The following SLC7A8 variants were observed in gnomAD, a reference collection of about 807,000 sequenced individuals.
SLC7A8 encodes the protein large neutral amino acids transporter small subunit 2.
SLC7A8 carries 30 observed loss-of-function variants against 51.2 expected under a neutral mutation model. The ratio of observed to expected loss-of-function variants is 0.59; its 90% CI spans 0.44 to 0.80. The LOEUF (loss-of-function observed/expected upper bound fraction) is 0.80, where lower values mean the gene tolerates loss of function less well. SLC7A8 is among the 30% of genes least tolerant of loss of function. The pLI is 0.00. For missense variants in SLC7A8, 612 were observed against 674.4 expected, an observed-to-expected ratio of 0.91 and a Z score of 1.03; for synonymous variants, 257 against 275.8, an observed-to-expected ratio of 0.93 and a Z score of 0.67.
chr14:23,173,906 G>A (rs1490194414), intron 1 of SLC7A8, among the ~76,000 whole-genome samples: 1 of 152,216 alleles, frequency 6.6e-6, no homozygotes, highest in Non-Finnish European at 1.5e-5. Context: ...CTCCCAAAGT[G>A]CTGGAATTAC....
At chr14:23,138,920 C>T (rs537032361) in intron 6 of SLC7A8, among the ~76,000 whole-genome samples, 7 of 152,314 alleles carry the variant, frequency 4.6e-5, no homozygotes, top group African/African-American at 7.2e-5. Context: ...AGGTGCCTCC[C>T]AGGTCCTTCT....
chr14:23,145,892 T>A (rs1003348721), intron 3 of SLC7A8, among the ~76,000 whole-genome samples: 1 of 152,196 alleles, frequency 6.6e-6, no homozygotes, highest in African/African-American at 2.4e-5. Flanking sequence ...AAGCAAAACA[T>A]GTTGTCAGAG....
intron 7 of SLC7A8, among the ~76,000 whole-genome samples, chr14:23,133,106 A>C (rs79263189): frequency 1.5e-4 from 23 of 152,290 alleles, no homozygotes; most frequent in African/African-American, 5.3e-4. Flanking sequence ...AATTGTACTT[A>C]AAAATTTATA....
In SLC7A8 at chr14:23,127,567, C is replaced by T. The variant is rs565009969; in HGVS notation, c.1442-224G>A. On this transcript the variant is annotated intron_variant, in intron 10 of 10. Coordinates refer to ENST00000316902, the MANE Select transcript of SLC7A8 (RefSeq NM_012244.4). Reference sequence around the variant, plus strand: ...TTCCCACCTTCCCTGTGCCCACTGACCCCTAAGTCCAGGGTCTCCTCTGGT... The same window carrying T: ...TTCCCACCTTCCCTGTGCCCACTGATCCCTAAGTCCAGGGTCTCCTCTGGT... Among the ~76,000 whole-genome samples, 3 of 152,352 alleles carry T rather than the reference C, an allele frequency of 2.0e-5. No homozygotes were observed. In the South Asian group the frequency reaches 6.2e-4, roughly 32 times the overall value.
At chr14:23,180,147 C>A (rs190760668) in intron 1 of SLC7A8, among the ~76,000 whole-genome samples, 110 of 152,218 alleles carry the variant, frequency 7.2e-4, no homozygotes, top group Non-Finnish European at 1.4e-3. Context: ...ACCTCGTGAT[C>A]CGCCCGCCTT....
At chr14:23,164,776 G>A (rs1447149557) in intron 3 of SLC7A8, among the ~76,000 whole-genome samples, 1 of 152,144 alleles carries the variant, frequency 6.6e-6, no homozygotes, top group Non-Finnish European at 1.5e-5. Flanking sequence ...CGGATCACTT[G>A]AGGTCAGGAG....
intron 7 of SLC7A8, among the ~76,000 whole-genome samples, chr14:23,136,043 C>T (rs924790449): frequency 6.6e-5 from 10 of 152,166 alleles, no homozygotes; most frequent in African/African-American, 2.4e-4. Flanking sequence ...CAGGGTACAG[C>T]TTGATAGGAA....
chr14:23,147,652 G>T (rs1191784737), intron 3 of SLC7A8, among the ~76,000 whole-genome samples: 6 of 152,060 alleles, frequency 3.9e-5, no homozygotes, highest in African/African-American at 1.4e-4. Context: ...GTATTTTTTG[G>T]GCATTTCCTC....
chr14:23,139,380 T>A, intron 6 of SLC7A8, 44 bp downstream of exon 6: 3 of 1,612,880 alleles, frequency 1.9e-6, no homozygotes, highest in South Asian at 2.2e-5. Context: ...GGCAAGTCTA[T>A]GTCTGCATTC....
intron 3 of SLC7A8, among the ~76,000 whole-genome samples, chr14:23,151,494 C>T (rs1159321497): frequency 6.6e-6 from 1 of 152,128 alleles, no homozygotes; most frequent in Non-Finnish European, 1.5e-5. Flanking sequence ...CAGTCACTGA[C>T]ACCTGTAATC....
At chr14:23,159,189 T>A (rs75086661) in intron 3 of SLC7A8, among the ~76,000 whole-genome samples, 4,213 of 152,308 alleles carry the variant, frequency 0.028, 206 homozygotes, top group African/African-American at 0.097. Context: ...GTGTAGGAGT[T>A]CAGTATGGTA....
At chr14:23,131,018 C>A (rs1450090029) in intron 8 of SLC7A8, among the ~76,000 whole-genome samples, 1 of 152,224 alleles carries the variant, frequency 6.6e-6, no homozygotes, top group Non-Finnish European at 1.5e-5. Context: ...AACTTCATTT[C>A]AATGATGTTT....
rs1323448621 is a variant in SLC7A8 at position 23,128,171 on chromosome 14, T to G, written c.1289A>C (p.Tyr430Ser). The change falls in exon 10 of 11, where the codon TAC becomes TCC. Residue 430 changes from tyrosine (Y) to serine (S), a missense_variant. By Grantham distance (144) the Tyr-to-Ser change is moderately radical. Transcript: ENST00000316902. This position sits in a 1 kb window ranked among gnomAD's most constrained non-coding sequence, Gnocchi z 4.3. ...IKINLLFPII[Y>S]LLFWAFLLVF... ...CAGCAGGAAGGCCCAGAACAGCAAG[T>G]AGATGATGGGGAACAGCAGGTTGAT... 2 of 1,613,884 alleles carry G rather than the reference T, an allele frequency of 1.2e-6. No individual in the cohort carries two copies. The highest frequency in any genetic ancestry group is 1.7e-6 in the Non-Finnish European group (2 of 1,179,970).
intron 3 of SLC7A8, among the ~76,000 whole-genome samples, chr14:23,149,428 C>T (rs1301084445): frequency 6.6e-6 from 1 of 152,186 alleles, no homozygotes; most frequent in Admixed American, 6.5e-5. Flanking sequence ...TCACTAACTT[C>T]TTGCAAGGCG....
At chr14:23,144,237 A>C (rs1206915319) in intron 3 of SLC7A8, among the ~76,000 whole-genome samples, 1 of 152,038 alleles carries the variant, frequency 6.6e-6, no homozygotes, top group East Asian at 1.9e-4. Flanking sequence ...AAACTGCCAA[A>C]CTGTCTTCCA....
Position 23,183,282 on chromosome 14 carries a change from G to T in SLC7A8, c.-368C>A. 1 of 173,518 alleles carries T rather than the reference G, an allele frequency of 5.8e-6. No homozygotes were observed. Among genetic ancestry groups the T allele is most frequent in the Non-Finnish European group, 1.2e-5 (1 of 82,156 alleles). The allele number at this position is 173,518 out of a possible 1,614,324, so 10.7% of individuals were successfully genotyped here. A position where few individuals can be genotyped will look rare whatever the true frequency, so the allele number is the denominator to read the frequency against. ...GTTCTGCTCTGTGCACCAGGCAGTG[G>T]CTTATTCAGAAAGTGAGCCTGGATT... is the stretch of plus-strand genomic sequence containing the variant. On this transcript the variant is annotated 5_prime_UTR_variant, in exon 1 of 11. Coordinates refer to ENST00000316902, the MANE Select transcript of SLC7A8 (RefSeq NM_012244.4).
chr14:23,140,520 C>T lies in SLC7A8; in HGVS notation c.739G>A (p.Gly247Ser). The T allele has an allele frequency of 4.3e-6, 7 of 1,614,016 alleles. No homozygotes were observed. Among genetic ancestry groups the T allele is most frequent in the Non-Finnish European group, 5.9e-6 (7 of 1,179,896 alleles). Residue 247 changes from glycine (G) to serine (S), a missense_variant, in exon 5 of 11, where the codon GGC (glycine) becomes AGC (serine). Transcript: ENST00000316902. The part of the protein sequence containing the change: ...AFLQGSFAYG[G>S]WNFLNYVTEE... ...GTCACGTAATTCAGAAAGTTCCAGC[C>T]TCCATAGGCAAAGGAGCCCTGAAGG...
chr14:23,134,736 A>C (rs948060740), intron 7 of SLC7A8, among the ~76,000 whole-genome samples: 3 of 151,950 alleles, frequency 2.0e-5, no homozygotes, highest in African/African-American at 7.3e-5. Flanking sequence ...TTAAAAAATG[A>C]AACTTTTTAT....
intron 8 of SLC7A8, among the ~76,000 whole-genome samples, chr14:23,130,495 T>G (rs961194468): frequency 2.0e-5 from 3 of 152,198 alleles, no homozygotes; most frequent in Non-Finnish European, 4.4e-5. Flanking sequence ...TCTTGTGAGA[T>G]CCGATGGTTA....
Sources: allele counts gnomAD v4.1 joint callset (sites outside exome capture counted in the v4.1 genomes callset), GRCh38; gene constraint gnomAD v4.1.1; non-coding constraint Gnocchi (gnomAD v3.1); transcripts MANE v1.5; gene names NCBI Gene and HGNC (gene_info 2026-07-23, HGNC 2026-07-21).